The following ANKRD40 variants were observed in gnomAD, a reference collection of about 807,000 sequenced individuals.
The protein encoded by ANKRD40 is ankyrin repeat domain-containing protein 40.
Under a neutral mutation model 35.5 loss-of-function variants are expected in ANKRD40, and 24 were observed. The observed-to-expected ratio is 0.68, with a 90% CI of 0.49 to 0.95. The LOEUF is 0.95. Among genes scored for constraint, ANKRD40 ranks in the 40% least tolerant of loss-of-function variants. The probability of loss-of-function intolerance (pLI) is 0.00; values close to 1 mark genes in which losing one functional copy is unlikely to be tolerated. For missense variants in ANKRD40, 361 were observed against 436.0 expected, an observed-to-expected ratio of 0.83 and a Z score of 1.53; for synonymous variants, 147 against 173.5, an observed-to-expected ratio of 0.85 and a Z score of 1.20.
intron 3 of ANKRD40, among the ~76,000 whole-genome samples, chr17:50,697,690 T>C (rs1968216990): frequency 6.6e-6 from 1 of 152,228 alleles, no homozygotes; most frequent in African/African-American, 2.4e-5. Flanking sequence ...CTTGGCTTAT[T>C]ATTCATAGGT....
chr17:50,696,000 G>T lies in ANKRD40; in HGVS notation c.1104C>A (p.Tyr368Ter), dbSNP rs1241963717. The stretch of plus-strand genomic sequence containing the variant: ...AGTGATAAAAGTCCCTGCTGCATTA[G>T]TAAGTCAGTTTTGAAGCTCTCCTGT... ...CYNRRASKLTY is the reference protein window; with the variant it reads ...CYNRRASKLT The change falls in exon 5 of 5, where the codon TAC becomes TAA. Residue 368 changes from tyrosine to a stop codon, truncating the protein, a stop_gained. Transcript: ENST00000285243. LOFTEE classifies it high-confidence loss of function. The T allele has an allele frequency of 3.1e-6, 5 of 1,614,124 alleles. No individual in the cohort carries two copies. The highest frequency in any genetic ancestry group is 4.2e-6 in the Non-Finnish European group (5 of 1,179,994).
intron 4 of ANKRD40, 111 bp from the exon 5 acceptor site, chr17:50,696,254 A>G: frequency 7.9e-7 from 1 of 1,267,028 alleles, no homozygotes; most frequent in Non-Finnish European, 1.1e-6. Flanking sequence ...GAAGAAAAAA[A>G]AAAATCCCTG....
At position 50,707,353 on chromosome 17, in the gene ANKRD40, A is replaced by T. The variant is rs532799707; in HGVS notation, c.134+168T>A. ...TTGGGCAGGACGCGCTCCCGACCGC[A>T]CGAGGCATGGGGGCCAGGGCTGGCC... On this transcript the variant is annotated intron_variant, in intron 1 of 4. Coordinates refer to ENST00000285243, the MANE Select transcript of ANKRD40 (RefSeq NM_052855.4). The surrounding 1 kb of genome is among the most constrained non-coding windows in gnomAD (Gnocchi z 4.8). 6.6e-6 allele frequency among the ~76,000 whole-genome samples: 1 copy of T among 151,968 alleles called. No homozygotes were observed. Among genetic ancestry groups the T allele is most frequent in the Non-Finnish European group, 1.5e-5 (1 of 67,968 alleles).
intron 1 of ANKRD40, among the ~76,000 whole-genome samples, chr17:50,701,940 T>C (rs1968277720): frequency 2.6e-5 from 4 of 152,218 alleles, no homozygotes; most frequent in South Asian, 2.1e-4. Flanking sequence ...TTCTACATTA[T>C]GGTTCATTAG....
At chr17:50,703,391 C>A (rs148331836) in intron 1 of ANKRD40, among the ~76,000 whole-genome samples, 1 of 152,044 alleles carries the variant, frequency 6.6e-6, no homozygotes, top group Non-Finnish European at 1.5e-5. Context: ...AAGCAAAGCA[C>A]GCAGTACGCT....
At position 50,699,452 on chromosome 17, in the gene ANKRD40, G is replaced by A. The variant is rs148279576; in HGVS notation, c.725C>T (p.Ala242Val). Residue 242 changes from alanine (A) to valine (V), a missense_variant, in exon 3 of 5, where the codon GCG (alanine) becomes GTG (valine). Coordinates refer to ENST00000285243, the MANE Select transcript of ANKRD40 (RefSeq NM_052855.4). The part of the protein sequence containing the change: ...EPQNGTYAGP[A>V]PAFQPFFFTG... Reference sequence around the variant, plus strand: ...GAAGAAAAATGGCTGGAATGCTGGCGCTGGTCCTGCATACGTCCCATTTTG... The same window carrying A: ...GAAGAAAAATGGCTGGAATGCTGGCACTGGTCCTGCATACGTCCCATTTTG... The A allele has an allele frequency of 3.8e-5, 61 of 1,614,058 alleles. No individual in the cohort carries two copies. The highest frequency in any genetic ancestry group is 1.6e-4 in the Middle Eastern group (1 of 6,082).
intron 1 of ANKRD40, among the ~76,000 whole-genome samples, chr17:50,706,775 G>A (rs2146661494): frequency 6.7e-6 from 1 of 148,886 alleles, no homozygotes; most frequent in Admixed American, 6.7e-5. Context: ...GTGGGGGCGC[G>A]TGCCTGTATT....
In ANKRD40 at chr17:50,693,805, C is replaced by T. The variant is rs1051657846; in HGVS notation, c.*2192G>A. On this transcript the variant is annotated 3_prime_UTR_variant, in exon 5 of 5. Coordinates refer to ENST00000285243, the MANE Select transcript of ANKRD40 (RefSeq NM_052855.4). ...GAAGTAAAGAAAAAAAAGGTTACTACATCTAGTTAAATTCACTTCCGATTG... is the reference window on the plus strand; with the variant it reads ...GAAGTAAAGAAAAAAAAGGTTACTATATCTAGTTAAATTCACTTCCGATTG... The T allele has an allele frequency of 6.6e-6, 1 of 152,140 alleles. No homozygotes were observed. Among genetic ancestry groups the T allele is most frequent in the African/African-American group, 2.4e-5 (1 of 41,394 alleles). 9.4% of individuals were successfully genotyped at this position (152,140 alleles called of 1,614,324 possible). A position where few individuals can be genotyped will look rare whatever the true frequency, so the allele number is the denominator to read the frequency against.
At chr17:50,700,828 G>T in intron 1 of ANKRD40, 112 bp from the exon 2 acceptor site, 2 of 967,448 alleles carry the variant, frequency 2.1e-6, no homozygotes. Context: ...GCTAGAACCA[G>T]GTAACCGGGC....
intron 1 of ANKRD40, among the ~76,000 whole-genome samples, chr17:50,706,247 A>G (rs1567844974): frequency 6.6e-6 from 1 of 151,404 alleles, no homozygotes; most frequent in South Asian, 2.1e-4. Context: ...TCAGCCTCCC[A>G]AGTAGCTGAG....
At position 50,707,500 on chromosome 17, in the gene ANKRD40, C is replaced by G. The variant is rs1424374418; in HGVS notation, c.134+21G>C. The G allele has an allele frequency of 6.2e-6, 10 of 1,602,064 alleles. No homozygotes were observed. Among genetic ancestry groups the G allele is most frequent in the African/African-American group, 1.4e-5 (1 of 73,600 alleles). On this transcript the variant is annotated intron_variant, in intron 1 of 4. Coordinates refer to ENST00000285243, the MANE Select transcript of ANKRD40 (RefSeq NM_052855.4). This position sits in a 1 kb window ranked among gnomAD's most constrained non-coding sequence, Gnocchi z 4.8. ...TCCGACCGGCTGCCCTGACCCTAGG[C>G]CTCCCCCGCTCCCCACTTACCAGCC...
At chr17:50,699,292 G>GT in intron 3 of ANKRD40, 107 bp downstream of exon 3, 1 of 1,427,322 alleles carries the variant, frequency 7.0e-7, no homozygotes, top group South Asian at 1.4e-5. Flanking sequence ...TGTTAGTCAT[G>GT]TAACGTTTCT....
chr17:50,707,589 G>T lies in ANKRD40; in HGVS notation c.66C>A (p.Asp22Glu). Residue 22 changes from aspartate to glutamate, a missense_variant, in exon 1 of 5, where the codon GAC (aspartate) becomes GAA (glutamate). Transcript: ENST00000285243. The surrounding 1 kb of genome is among the most constrained non-coding windows in gnomAD (Gnocchi z 4.8). ...CCACCAGTTTCTGCACCTCCCGAAT[G>T]TCCCCTAAGGCCGCGGCCTCCCGCA... Reference protein sequence around the residue: ...ERLREAAALGDIREVQKLVES... With the variant: ...ERLREAAALGEIREVQKLVES... 1 of 1,607,320 alleles carries T rather than the reference G, an allele frequency of 6.2e-7. No homozygotes were observed.
intron 1 of ANKRD40, among the ~76,000 whole-genome samples, chr17:50,706,161 G>A (rs1029126645): frequency 4.8e-5 from 7 of 145,172 alleles, no homozygotes; most frequent in African/African-American, 7.7e-5. Flanking sequence ...TTGCTCTGTC[G>A]CCCAGGCTGG....
chr17:50,706,043 T>A (rs1054074740), intron 1 of ANKRD40, among the ~76,000 whole-genome samples: 3 of 151,992 alleles, frequency 2.0e-5, no homozygotes, highest in Non-Finnish European at 4.4e-5. Context: ...GGCAAGTTAT[T>A]CTCTGTGGTT....
intron 2 of ANKRD40, 38 bp from the exon 3 acceptor site, chr17:50,699,931 T>C (rs762245683): frequency 2.1e-6 from 3 of 1,424,980 alleles, no homozygotes; most frequent in Non-Finnish European, 2.8e-6. Context: ...CACAGTCCTT[T>C]CAAAATTATC....
rs79957408 is a variant in ANKRD40, at chr17:50,704,852, C to T, written c.134+2669G>A. Among the ~76,000 whole-genome samples the T allele has an allele frequency of 9.2e-3, 1,404 of 152,248 alleles. 33 individuals are homozygous for T. Among genetic ancestry groups the T allele is most frequent in the Admixed American group, 0.049 (747 of 15,298 alleles). ...TGAGCTGGCCGGGCACGGTGGCTCA[C>T]GCCTGTAATCCCAGAACTTTGGGAG... On this transcript the variant is annotated intron_variant, in intron 1 of 4. Transcript: ENST00000285243.
At chr17:50,696,704 C>T (rs903976469) in intron 4 of ANKRD40, 11 of 344,362 alleles carry the variant, frequency 3.2e-5, no homozygotes, top group Admixed American at 5.2e-5. Context: ...GGCCAAACAC[C>T]AGTTACAGAT....
In ANKRD40 at chr17:50,707,247, T is replaced by A. The variant is rs1968351586; in HGVS notation, c.134+274A>T. Among the ~76,000 whole-genome samples the A allele has an allele frequency of 6.6e-6, 1 of 152,152 alleles. No homozygotes were observed. The highest frequency in any genetic ancestry group is 2.4e-5 in the African/African-American group (1 of 41,434). ...TGCCTCCAGCACCGCTCTGACCAAG[T>A]GAGCCGGGAGCGCGGGGGAAGGGGG... On this transcript the variant is annotated intron_variant, in intron 1 of 4. Transcript: ENST00000285243. The surrounding 1 kb of genome is among the most constrained non-coding windows in gnomAD (Gnocchi z 4.8).
Sources: gnomAD v4.1 joint callset for allele counts (sites outside exome capture counted in the v4.1 genomes callset) on GRCh38, gnomAD v4.1.1 for gene constraint, Gnocchi (gnomAD v3.1) non-coding constraint, MANE v1.5 for transcripts, NCBI Gene and HGNC (gene_info 2026-07-23, HGNC 2026-07-21) for gene names.